Variants in NDUFV1 observed in about 807,000 individuals in gnomAD.
NDUFV1 encodes NADH dehydrogenase [ubiquinone] flavoprotein 1, mitochondrial.
Under a neutral mutation model 48.7 loss-of-function variants are expected in NDUFV1, and 41 were observed. That is an observed-to-expected ratio of 0.84 (90% CI 0.66 to 1.09). The LOEUF is 1.09. Among genes scored for constraint, NDUFV1 ranks in the 50% least tolerant of loss-of-function variants. The pLI is 0.00. For synonymous variants in NDUFV1, 231 were observed against 259.1 expected, an observed-to-expected ratio of 0.89 and a Z score of 1.04; for missense variants, 580 against 645.4, an observed-to-expected ratio of 0.90 and a Z score of 1.10.
At chr11:67,608,807 C>T (rs991902402) in intron 3 of NDUFV1, 85 bp downstream of exon 3, 2 of 1,577,218 alleles carry the variant, frequency 1.3e-6, no homozygotes, top group South Asian at 2.2e-5. Context: ...GGGCTCTTTC[C>T]TTAGAAACTT....
At position 67,611,515 on chromosome 11, in the gene NDUFV1, G is replaced by A; in HGVS notation, c.1026G>A (p.Leu342=). 1 of 1,613,162 alleles carries A rather than the reference G, an allele frequency of 6.2e-7. No individual in the cohort carries two copies. Among genetic ancestry groups the A allele is most frequent in the Non-Finnish European group, 8.5e-7 (1 of 1,179,678 alleles). The change falls in exon 7 of 10, where the codon CTG becomes CTA. Residue 342 remains leucine (L), a synonymous_variant. Transcript: ENST00000322776. The surrounding 1 kb of genome is among the most constrained non-coding windows in gnomAD (Gnocchi z 4.2). ...CGGTGCTGATGGACTTCGATGCGCTGGTGCAGGCACAGACAGGCCTGGGCA... is the reference window on the plus strand; with the variant it reads ...CGGTGCTGATGGACTTCGATGCGCTAGTGCAGGCACAGACAGGCCTGGGCA... The part of the protein sequence containing the change: ...CETVLMDFDA[L]VQAQTGLGTA...
intron 4 of NDUFV1, 149 bp from the exon 5 acceptor site, chr11:67,610,232 A>AT: frequency 2.5e-6 from 2 of 787,018 alleles, no homozygotes; most frequent in Non-Finnish European, 4.2e-6. Flanking sequence ...AAGTTTTCCA[A>AT]TTCGTTTTAC....
chr11:67,610,879 A>G, intron 5 of NDUFV1, 116 bp from the exon 6 acceptor site: 1 of 1,000,628 alleles, frequency 1.0e-6, no homozygotes, highest in Non-Finnish European at 1.6e-6. Context: ...AAGAATGATA[A>G]GGGGATATTA....
chr11:67,608,926 C>T (rs1307491426), intron 3 of NDUFV1, among the ~76,000 whole-genome samples: 1 of 152,208 alleles, frequency 6.6e-6, no homozygotes, highest in Non-Finnish European at 1.5e-5. Flanking sequence ...GATTTTGACT[C>T]AGGCAGACTT....
chr11:67,607,082 G>T lies in NDUFV1; in HGVS notation c.72+6G>T. 6.2e-7 allele frequency: 1 copy of T among 1,603,572 alleles called. No homozygotes were observed. Among genetic ancestry groups the T allele is most frequent in the East Asian group, 2.2e-5 (1 of 44,664 alleles). ...TGCGTTTCAGCGGCGACACGGTGAG[G>T]CCCAGCCTGGCTGGGGCCACGGGTG... On this transcript the variant is annotated splice_donor_region_variant and intron_variant, in intron 1 of 9. Transcript: ENST00000322776.
rs755864710 is a variant in NDUFV1 at position 67,610,529 on chromosome 11, A to C, written c.659A>C (p.Gln220Pro). 5 of 1,614,102 alleles carry C rather than the reference A, an allele frequency of 3.1e-6. No individual in the cohort carries two copies. The highest frequency in any genetic ancestry group is 4.2e-6 in the Non-Finnish European group (5 of 1,180,036). The change falls in exon 5 of 10, where the codon CAG becomes CCG. Residue 220 changes from glutamine to proline, a missense_variant. Transcript: ENST00000322776. ...TALIESIEGK[Q>P]GKPRLKPPFP... ...CTCATCGAGTCCATTGAGGGCAAGC[A>C]GGGCAAGCCCCGCCTGAAGCCCCCC...
rs371009249 is a variant in NDUFV1 at position 67,612,160 on chromosome 11, G to C, written c.1203G>C (p.Arg401Ser). 1 of 1,613,396 alleles carries C rather than the reference G, an allele frequency of 6.2e-7. No homozygotes were observed. The highest frequency in any genetic ancestry group is 1.1e-5 in the South Asian group (1 of 91,048). Residue 401 changes from arginine (R) to serine (S), a missense_variant, in exon 9 of 10, where the codon AGG (arginine) becomes AGC (serine). Arg to Ser is a moderately radical substitution (Grantham distance 110). Transcript: ENST00000322776. This position sits in a 1 kb window ranked among gnomAD's most constrained non-coding sequence, Gnocchi z 4.4. ...WMNKVMARFV[R>S]GDARPAEIDS... is the part of the protein sequence containing the mutation. ...ACAAGGTGATGGCACGTTTCGTGAG[G>C]GGGGATGCCCGGCCGGCCGAGATCG...
At chr11:67,610,946 C>T (rs1357733313) in intron 5 of NDUFV1, 49 bp from the exon 6 acceptor site, 1 of 1,590,102 alleles carries the variant, frequency 6.3e-7, no homozygotes. Context: ...TGCCAGGAAA[C>T]TTGCCCCACC....
chr11:67,608,432 G>A lies in NDUFV1; in HGVS notation c.109G>A (p.Asp37Asn). The change falls in exon 2 of 10, where the codon GAT becomes AAT. Residue 37 changes from aspartate (D) to asparagine (N), a missense_variant. Asp to Asn is a conservative substitution (Grantham distance 23). Transcript: ENST00000322776. ...GAAAACCTCATTTGGCTCGCTGAAG[G>A]ATGAAGACCGGATTTTCACCAACCT... is the stretch of plus-strand genomic sequence containing the variant. ...PKKTSFGSLK[D>N]EDRIFTNLYG... The A allele has an allele frequency of 6.2e-7, 1 of 1,614,150 alleles. No individual in the cohort carries two copies. Among genetic ancestry groups the A allele is most frequent in the Non-Finnish European group, 8.5e-7 (1 of 1,180,034 alleles).
At chr11:67,607,729 G>T in intron 1 of NDUFV1, 1 of 339,486 alleles carries the variant, frequency 2.9e-6, no homozygotes, top group Non-Finnish European at 5.8e-6. Flanking sequence ...GTGCCGTGAT[G>T]CAGCTGTGGG....
chr11:67,612,079 T>C lies in NDUFV1; in HGVS notation c.1163-41T>C, dbSNP rs773961093. The C allele has an allele frequency of 1.2e-6, 2 of 1,613,468 alleles. No homozygotes were observed. Among genetic ancestry groups the C allele is most frequent in the East Asian group, 2.2e-5 (1 of 44,810 alleles). On this transcript the variant is annotated intron_variant, in intron 8 of 9. Coordinates refer to ENST00000322776, the MANE Select transcript of NDUFV1 (RefSeq NM_007103.4). The surrounding 1 kb of genome is among the most constrained non-coding windows in gnomAD (Gnocchi z 4.4). ...CTCAAGCGCCGCCCCACATCCTGGC[T>C]GGGGAGATCATCAGGCCCTCTCTTG...
At position 67,611,559 on chromosome 11, in the gene NDUFV1, T is replaced by C. The variant is rs777692271; in HGVS notation, c.1070T>C (p.Met357Thr). Residue 357 changes from methionine to threonine, a missense_variant, in exon 7 of 10, where the codon ATG becomes ACG. Physicochemically the swap from Met to Thr is moderately conservative, Grantham distance 81. Coordinates refer to ENST00000322776, the MANE Select transcript of NDUFV1 (RefSeq NM_007103.4). This position sits in a 1 kb window ranked among gnomAD's most constrained non-coding sequence, Gnocchi z 4.2. ...TGLGTAAVIV[M>T]DRSTDIVKAI... ...CTGGGCACAGCTGCGGTGATCGTCATGGACCGCTCGGTAAGGGTTCACACA... is the reference window on the plus strand; with the variant it reads ...CTGGGCACAGCTGCGGTGATCGTCACGGACCGCTCGGTAAGGGTTCACACA... 119 of 1,606,070 alleles carry C rather than the reference T, an allele frequency of 7.4e-5. No homozygotes were observed. Among genetic ancestry groups the C allele is most frequent in the Non-Finnish European group, 9.5e-5 (112 of 1,176,412 alleles).
Position 67,611,463 on chromosome 11 carries a change from C to T in NDUFV1, c.974C>T (p.Pro325Leu). The T allele has an allele frequency of 6.2e-7, 1 of 1,614,184 alleles. No individual in the cohort carries two copies. The highest frequency in any genetic ancestry group is 8.5e-7 in the Non-Finnish European group (1 of 1,180,016). Residue 325 changes from proline to leucine, a missense_variant, in exon 7 of 10, where the codon CCA (proline) becomes CTA (leucine). Coordinates refer to ENST00000322776, the MANE Select transcript of NDUFV1 (RefSeq NM_007103.4). This position sits in a 1 kb window ranked among gnomAD's most constrained non-coding sequence, Gnocchi z 4.2. ...GTGATCCCTGGCGGCTCGTCTACCC[C>T]ACTGATCCCCAAGTCTGTGTGTGAG... ...LAVIPGGSST[P>L]LIPKSVCETV...
At chr11:67,607,632 GC>G in intron 1 of NDUFV1, 1 of 366,056 alleles carries the variant, frequency 2.7e-6, no homozygotes, top group Non-Finnish European at 5.4e-6. Context: ...AATATAAAAG[GC>G]CCCTGGCCTA....
Position 67,612,082 on chromosome 11 carries a change from G to A in NDUFV1, c.1163-38G>A, listed in dbSNP as rs945969770. 1 of 1,613,692 alleles carries A rather than the reference G, an allele frequency of 6.2e-7. No homozygotes were observed. The highest frequency in any genetic ancestry group is 1.7e-5 in the Admixed American group (1 of 59,994). On this transcript the variant is annotated intron_variant, in intron 8 of 9. Transcript: ENST00000322776. This position sits in a 1 kb window ranked among gnomAD's most constrained non-coding sequence, Gnocchi z 4.4. ...AAGCGCCGCCCCACATCCTGGCTGGGGAGATCATCAGGCCCTCTCTTGTGG... is the reference window on the plus strand; with the variant it reads ...AAGCGCCGCCCCACATCCTGGCTGGAGAGATCATCAGGCCCTCTCTTGTGG...
Position 67,612,530 on chromosome 11 carries a change from C to A in NDUFV1, c.*72C>A. The A allele has an allele frequency of 6.7e-7, 1 of 1,482,196 alleles. No individual in the cohort carries two copies. The highest frequency in any genetic ancestry group is 9.2e-7 in the Non-Finnish European group (1 of 1,083,332). The allele number at this position is 1,482,196 out of a possible 1,614,324, so 91.8% of individuals were successfully genotyped here. On this transcript the variant is annotated 3_prime_UTR_variant, in exon 10 of 10. Coordinates refer to ENST00000322776, the MANE Select transcript of NDUFV1 (RefSeq NM_007103.4). This position sits in a 1 kb window ranked among gnomAD's most constrained non-coding sequence, Gnocchi z 4.4. ...GGACAATAAAGCGAGTGCTGCCCAC[C>A]CTCCAGCTGCCGCTGCTGTGACTGT... is the stretch of plus-strand genomic sequence containing the variant.
intron 1 of NDUFV1, 173 bp from the exon 2 acceptor site, chr11:67,608,223 C>G: frequency 1.9e-6 from 1 of 522,230 alleles, no homozygotes; most frequent in Non-Finnish European, 3.2e-6. Flanking sequence ...AAGAGTCTGT[C>G]TCAAAAAAAA....
intron 5 of NDUFV1, 187 bp from the exon 6 acceptor site, chr11:67,610,808 G>T (rs1854899638): frequency 5.2e-6 from 4 of 775,732 alleles, no homozygotes; most frequent in Non-Finnish European, 8.5e-6. Context: ...CTGTTCTGAG[G>T]CTAAGGGCAT....
At position 67,611,025 on chromosome 11, in the gene NDUFV1, A is replaced by G. The variant is rs1235686151; in HGVS notation, c.731A>G (p.Asn244Ser). The G allele has an allele frequency of 1.9e-6, 3 of 1,614,222 alleles. No individual in the cohort carries two copies. The highest frequency in any genetic ancestry group is 1.7e-5 in the Admixed American group (1 of 60,028). ...GVFGCPTTVA[N>S]VETVAVSPTI... ...TTTGGCTGCCCCACAACTGTGGCCA[A>G]CGTGGAGACAGTGGCAGTGTCCCCC... is the stretch of plus-strand genomic sequence containing the variant. The change falls in exon 6 of 10, where the codon AAC (asparagine) becomes AGC (serine). Residue 244 changes from asparagine (N) to serine (S), a missense_variant. Asn to Ser is a conservative substitution (Grantham distance 46, BLOSUM62 1). Coordinates refer to ENST00000322776, the MANE Select transcript of NDUFV1 (RefSeq NM_007103.4). The surrounding 1 kb of genome is among the most constrained non-coding windows in gnomAD (Gnocchi z 4.2).
Sources: gnomAD v4.1 joint callset for allele counts (sites outside exome capture counted in the v4.1 genomes callset) on GRCh38, gnomAD v4.1.1 for gene constraint, Gnocchi (gnomAD v3.1) non-coding constraint, MANE v1.5 for transcripts, NCBI Gene and HGNC (gene_info 2026-07-23, HGNC 2026-07-21) for gene names.